MGAT5: variants seen among roughly 807,000 people sequenced by gnomAD.
MGAT5 encodes alpha-1,6-mannosylglycoprotein 6-beta-N-acetylglucosaminyltransferase A.
A neutral mutation model predicts 94.3 loss-of-function variants in MGAT5; 30 were observed. That is an observed-to-expected ratio of 0.32 (90% CI 0.24 to 0.43). The LOEUF is 0.43. Among genes scored for constraint, MGAT5 ranks in the 20% least tolerant of loss-of-function variants. The pLI is 1.00. For missense variants in MGAT5, 691 were observed against 905.5 expected (o/e 0.76, Z 3.04); for synonymous variants, 310 against 322.9 (o/e 0.96, Z 0.43).
intron 1 of MGAT5, among the ~76,000 whole-genome samples, chr2:134,142,461 G>T (rs1464246480): frequency 2.0e-5 from 3 of 152,208 alleles, no homozygotes; most frequent in African/African-American, 7.2e-5. Context: ...GTGTGCTGGG[G>T]ACATTTGTGA....
chr2:134,414,159 GGTT>G (rs202052362), intron 12 of MGAT5, among the ~76,000 whole-genome samples: 14,542 of 138,148 alleles, frequency 0.11, 877 homozygotes, highest in East Asian at 0.3. Flanking sequence ...GTGTGTGTGT[GGTT>G]TTTTTTTTTT....
At chr2:134,207,228 A>C (rs1353314044) in intron 1 of MGAT5, among the ~76,000 whole-genome samples, 2 of 152,194 alleles carry the variant, frequency 1.3e-5, no homozygotes, top group Non-Finnish European at 2.9e-5. Flanking sequence ...TGATTGCATT[A>C]GACCCACCTT....
intron 2 of MGAT5, among the ~76,000 whole-genome samples, chr2:134,311,498 C>A (rs1686656555): frequency 6.6e-6 from 1 of 152,136 alleles, no homozygotes; most frequent in South Asian, 2.1e-4. Context: ...TCTGAAAGAA[C>A]TGTCTTCTGT....
At chr2:134,422,545 G>T (rs927023348) in intron 12 of MGAT5, among the ~76,000 whole-genome samples, 1 of 152,170 alleles carries the variant, frequency 6.6e-6, no homozygotes, top group Admixed American at 6.5e-5. Flanking sequence ...TTGATGTGAT[G>T]TTGGGGGCTA....
At chr2:134,342,737 A>AG (rs2106009877) in intron 7 of MGAT5, among the ~76,000 whole-genome samples, 1 of 150,888 alleles carries the variant, frequency 6.6e-6, no homozygotes, top group Admixed American at 6.6e-5. Flanking sequence ...AAAAAAAAAA[A>AG]TTGGATACAC....
intron 1 of MGAT5, among the ~76,000 whole-genome samples, chr2:134,192,487 A>G (rs907334296): frequency 2.0e-5 from 3 of 152,118 alleles, no homozygotes; most frequent in Non-Finnish European, 2.9e-5. Context: ...ATATCTTGCT[A>G]GTTTTGGGGA....
At chr2:134,144,446 C>T (rs1360001338) in intron 1 of MGAT5, among the ~76,000 whole-genome samples, 1 of 152,098 alleles carries the variant, frequency 6.6e-6, no homozygotes, top group African/African-American at 2.4e-5. Context: ...ATGGTGCTAA[C>T]CCATTCATGA....
rs1400137438 is a variant in MGAT5 at position 134,169,216 on chromosome 2, T to C, written c.-143+48925T>C. Among the ~76,000 whole-genome samples the C allele has an allele frequency of 2.0e-5, 3 of 152,070 alleles. No homozygotes were observed. In the East Asian group the frequency reaches 5.8e-4, roughly 29 times the overall value. On this transcript the variant is annotated intron_variant, in intron 1 of 16. Transcript: ENST00000409645. ...GCATTTATAACTTTCATCCAAAAAA[T>C]AAAATGAAAGGAATAAATGTTGGTT...
chr2:134,355,976 CT>C (rs33998342), intron 9 of MGAT5, among the ~76,000 whole-genome samples: 3 of 152,226 alleles, frequency 2.0e-5, no homozygotes, highest in Non-Finnish European at 4.4e-5. Context: ...AACAGCCTCA[CT>C]TTTCATATCA....
rs146507852 is a variant in MGAT5 at position 134,339,813 on chromosome 2, G to A, written c.807+1393G>A. On this transcript the variant is annotated intron_variant, in intron 6 of 15. Coordinates refer to ENST00000281923, the MANE Select transcript of MGAT5 (RefSeq NM_002410.5). ...ATATCCATCCAGTTTTGATGGAAGC[G>A]CACAGAAAAAGACTGTTCTTAGTGA... Among the ~76,000 whole-genome samples the A allele has an allele frequency of 3.9e-3, 596 of 152,224 alleles. 7 individuals are homozygous for A. The highest frequency in any genetic ancestry group is 0.014 in the African/African-American group (565 of 41,552).
chr2:134,306,790 A>C (rs925794640), intron 2 of MGAT5, among the ~76,000 whole-genome samples: 4 of 152,120 alleles, frequency 2.6e-5, no homozygotes, highest in Non-Finnish European at 5.9e-5. Flanking sequence ...TGATTAATAA[A>C]AGGCAGAGAG....
intron 1 of MGAT5, among the ~76,000 whole-genome samples, chr2:134,238,172 C>T (rs1420158856): frequency 1.3e-5 from 2 of 152,132 alleles, no homozygotes; most frequent in Non-Finnish European, 2.9e-5. Flanking sequence ...AGCCTGATGC[C>T]CAGTCTACAA....
chr2:134,170,675 C>G (rs542431990), intron 1 of MGAT5, among the ~76,000 whole-genome samples: 1 of 152,094 alleles, frequency 6.6e-6, no homozygotes, highest in Non-Finnish European at 1.5e-5. Flanking sequence ...TCTGTCCCTC[C>G]CTCCCTTACT....
chr2:134,282,642 C>T lies in MGAT5; in HGVS notation c.406+12092C>T, dbSNP rs116966222. On this transcript the variant is annotated intron_variant, in intron 2 of 15. Transcript: ENST00000281923. ...GCACTGGAGATAGTGATGAGCAAAA[C>T]CATCTCTTCTTTCTGGAGATGACAC... 2.4e-3 allele frequency among the ~76,000 whole-genome samples: 359 copies of T among 152,294 alleles called. 5 individuals are homozygous for T. The highest frequency in any genetic ancestry group is 0.018 in the East Asian group (93 of 5,178).
intron 11 of MGAT5, among the ~76,000 whole-genome samples, chr2:134,404,205 G>A (rs1574027940): frequency 1.3e-5 from 2 of 152,166 alleles, no homozygotes; most frequent in East Asian, 3.8e-4. Context: ...CTAAGCACAA[G>A]GAAGCTTATT....
intron 4 of MGAT5, among the ~76,000 whole-genome samples, chr2:134,326,054 T>TC (rs1205963411): frequency 0.11 from 1,241 of 11,544 alleles, 15 homozygotes; most frequent in African/African-American, 0.17. Context: ...CTCTCTCTCT[T>TC]TTTTTTTTTT....
rs1002771515 is a variant in MGAT5, at chr2:134,450,115, C to G, written c.*1268C>G. ...GGACCCCACCTTCCAAACCCTGGAC[C>G]CCCCCATGCTCTGCCTTTGTATAAG... is the stretch of plus-strand genomic sequence containing the variant. On this transcript the variant is annotated 3_prime_UTR_variant, in exon 16 of 16. Transcript: ENST00000281923. The G allele has an allele frequency of 2.0e-5, 3 of 152,436 alleles. No individual in the cohort carries two copies. Among genetic ancestry groups the G allele is most frequent in the East Asian group, 1.9e-4 (1 of 5,210 alleles). 9.4% of individuals were successfully genotyped at this position (152,436 alleles called of 1,614,324 possible).
chr2:134,318,018 A>G (rs1687098670), intron 3 of MGAT5, among the ~76,000 whole-genome samples: 1 of 152,188 alleles, frequency 6.6e-6, no homozygotes, highest in Admixed American at 6.5e-5. Context: ...TTTAAGTGTC[A>G]CATTTGTATT....
intron 2 of MGAT5, among the ~76,000 whole-genome samples, chr2:134,293,921 G>A (rs1242170380): frequency 6.6e-6 from 1 of 152,196 alleles, no homozygotes; most frequent in African/African-American, 2.4e-5. Context: ...TGGAGGATGT[G>A]AAACAGAGTA....
Sources: gnomAD v4.1 joint callset for allele counts (sites outside exome capture counted in the v4.1 genomes callset) on GRCh38, gnomAD v4.1.1 for gene constraint, MANE v1.5 for transcripts, NCBI Gene and HGNC (gene_info 2026-07-23, HGNC 2026-07-21) for gene names.